TRPM2: variants seen among roughly 807,000 people sequenced by gnomAD.
The protein encoded by TRPM2 is transient receptor potential cation channel subfamily M member 2.
In TRPM2, 161 loss-of-function variants were observed where a neutral mutation model predicts 174.0. That is an observed-to-expected ratio of 0.93 (90% confidence interval 0.81 to 1.05). The LOEUF (loss-of-function observed/expected upper bound fraction) is 1.05, where lower values mean the gene tolerates loss of function less well. Among genes scored for constraint, TRPM2 ranks in the 50% least tolerant of loss-of-function variants. TRPM2 has a pLI of 0.00. For synonymous variants in TRPM2, 954 were observed against 861.3 expected, an observed-to-expected ratio of 1.11 and a Z score of -1.88; for missense variants, 2,057 against 2,038.0, an observed-to-expected ratio of 1.01 and a Z score of -0.18.
At chr21:44,398,040 G>C (rs138714508) in intron 13 of TRPM2, among the ~76,000 whole-genome samples, 164 bp downstream of exon 13, 1 of 152,140 alleles carries the variant, frequency 6.6e-6, no homozygotes, top group Non-Finnish European at 1.5e-5. Flanking sequence ...CCGGAGTCTC[G>C]GCCCTGTAAC....
At chr21:44,433,123 G>A (rs1266842289) in intron 27 of TRPM2, among the ~76,000 whole-genome samples, 3 of 152,232 alleles carry the variant, frequency 2.0e-5, no homozygotes, top group Non-Finnish European at 4.4e-5. Flanking sequence ...AAGCAAGGGT[G>A]CAGAGTGTTT....
intron 5 of TRPM2, among the ~76,000 whole-genome samples, chr21:44,372,665 G>A (rs1602153091): frequency 3.3e-5 from 5 of 152,162 alleles, no homozygotes; most frequent in Admixed American, 3.3e-4. Context: ...CAAAATACAA[G>A]GGAAGAGCAG....
At chr21:44,412,232 CTT>C (rs1322073065) in intron 19 of TRPM2, among the ~76,000 whole-genome samples, 2 of 152,040 alleles carry the variant, frequency 1.3e-5, no homozygotes, top group African/African-American at 4.8e-5. Flanking sequence ...GTGGACTTTT[CTT>C]TGTGTGATGT....
At chr21:44,353,072 C>T (rs2047952980), upstream of TRPM2, among the ~76,000 whole-genome samples, 1 of 152,250 alleles carries the variant, frequency 6.6e-6, no homozygotes, top group South Asian at 2.1e-4. Context: ...AGGAGAATCA[C>T]TTGAACCAGG....
At chr21:44,441,249 T>TGTG (rs5844184) in intron 31 of TRPM2, among the ~76,000 whole-genome samples, 3 of 152,134 alleles carry the variant, frequency 2.0e-5, no homozygotes, top group African/African-American at 7.2e-5. Context: ...CAGGCGACCA[T>TGTG]AGGGCCCTGT....
intron 27 of TRPM2, among the ~76,000 whole-genome samples, chr21:44,430,391 C>G (rs1209753054): frequency 6.6e-6 from 1 of 151,260 alleles, no homozygotes; most frequent in Non-Finnish European, 1.5e-5. Flanking sequence ...ACTGTTAGCT[C>G]TAACATATTT....
In TRPM2 at chr21:44,414,081, G is replaced by C; in HGVS notation, c.3146+7G>C. On this transcript the variant is annotated splice_region_variant and intron_variant, in intron 20 of 31. Coordinates refer to ENST00000397928, the MANE Select transcript of TRPM2 (RefSeq NM_003307.4). ...TCCTCATCGCCATGTTCAAGTGAGC[G>C]CCTGGGTGGGGCTGGCGTGCAGGTG... 1 of 1,607,528 alleles carries C rather than the reference G, an allele frequency of 6.2e-7. No individual in the cohort carries two copies. The highest frequency in any genetic ancestry group is 2.2e-5 in the East Asian group (1 of 44,762).
At chr21:44,418,950 C>T (rs1206417113) in intron 22 of TRPM2, among the ~76,000 whole-genome samples, 1 of 152,186 alleles carries the variant, frequency 6.6e-6, no homozygotes, top group Non-Finnish European at 1.5e-5. Context: ...TTCTGCAGGA[C>T]CTCGGCAGCC....
At chr21:44,423,591 T>C in intron 22 of TRPM2, 54 bp from the exon 23 acceptor site, 1 of 1,518,732 alleles carries the variant, frequency 6.6e-7, no homozygotes, top group Non-Finnish European at 9.0e-7. Context: ...CGGTGTGGCG[T>C]TCCCAGGGCC....
upstream of TRPM2, among the ~76,000 whole-genome samples, chr21:44,353,095 G>A (rs2047953400): frequency 6.6e-6 from 1 of 152,248 alleles, no homozygotes. Context: ...GACCGAGGTT[G>A]CAGTGAGCCG....
upstream of TRPM2, among the ~76,000 whole-genome samples, chr21:44,350,829 G>A (rs2047917055): frequency 6.6e-6 from 1 of 151,366 alleles, no homozygotes; most frequent in Non-Finnish European, 1.5e-5. Flanking sequence ...GAGCGACCCT[G>A]TCCGGCTGGC....
chr21:44,421,540 G>A (rs1252495119), intron 22 of TRPM2, among the ~76,000 whole-genome samples: 2 of 152,110 alleles, frequency 1.3e-5, no homozygotes, highest in Non-Finnish European at 2.9e-5. Context: ...GGAGGCTGAG[G>A]TGGGAGGATT....
At chr21:44,398,857 G>A (rs990988729) in intron 13 of TRPM2, among the ~76,000 whole-genome samples, 4 of 152,140 alleles carry the variant, frequency 2.6e-5, no homozygotes, top group South Asian at 2.1e-4. Context: ...TCTAATTTGT[G>A]GCTACTTTGT....
At chr21:44,430,068 T>A (rs2050970343) in intron 27 of TRPM2, among the ~76,000 whole-genome samples, 1 of 152,230 alleles carries the variant, frequency 6.6e-6, no homozygotes, top group South Asian at 2.1e-4. Flanking sequence ...GTGAATTATT[T>A]TTATAGCTCC....
intron 16 of TRPM2, among the ~76,000 whole-genome samples, chr21:44,403,766 CAT>C (rs1491006903): frequency 4.0e-5 from 6 of 151,386 alleles, no homozygotes; most frequent in African/African-American, 7.3e-5. Flanking sequence ...CATGCATACA[CAT>C]ATACATGCAT....
In TRPM2 at chr21:44,399,404, C is replaced by G. The variant is rs1221737306; in HGVS notation, c.2171C>G (p.Ala724Gly). ...ACCTGCCTGCAGCTCGCCCTGGAGG[C>G]CAAGGACATGAAGTTTGTGTCTCAC... ...KTTCLQLALEAKDMKFVSHGG... is the reference protein window; with the variant it reads ...KTTCLQLALEGKDMKFVSHGG... Residue 724 changes from alanine (A) to glycine (G), a missense_variant, in exon 14 of 32, where the codon GCC (alanine) becomes GGC (glycine). Ala to Gly is a moderately conservative substitution (Grantham distance 60, BLOSUM62 0). Transcript: ENST00000397928. This position sits in a 1 kb window ranked among gnomAD's most constrained non-coding sequence, Gnocchi z 4.6. 1 of 1,612,644 alleles carries G rather than the reference C, an allele frequency of 6.2e-7. No individual in the cohort carries two copies. The highest frequency in any genetic ancestry group is 8.5e-7 in the Non-Finnish European group (1 of 1,179,852).
At chr21:44,433,697 G>C (rs980100810) in intron 27 of TRPM2, among the ~76,000 whole-genome samples, 1 of 152,200 alleles carries the variant, frequency 6.6e-6, no homozygotes, top group Non-Finnish European at 1.5e-5. Flanking sequence ...AGCTTCTGGG[G>C]AGGCTGCCTG....
Position 44,391,121 on chromosome 21 carries a change from C to T in TRPM2, c.1440+96C>T, listed in dbSNP as rs2049159740. On this transcript the variant is annotated intron_variant, in intron 10 of 31. Transcript: ENST00000397928. This position sits in a 1 kb window ranked among gnomAD's most constrained non-coding sequence, Gnocchi z 5.0. ...AGGCAAAGTTCGCATTGTCTGGATC[C>T]CAGCCCTTCCCTTGAGGGTGGGTGA... The T allele has an allele frequency of 6.3e-7, 1 of 1,580,906 alleles. No individual in the cohort carries two copies. Among genetic ancestry groups the T allele is most frequent in the South Asian group, 1.2e-5 (1 of 86,806 alleles).
chr21:44,430,845 C>T (rs1395182160), intron 27 of TRPM2, among the ~76,000 whole-genome samples: 1 of 151,856 alleles, frequency 6.6e-6, no homozygotes, highest in Admixed American at 6.6e-5. Flanking sequence ...ATAATTTCAT[C>T]TAACTTTTGA....
Sources: allele counts gnomAD v4.1 joint callset (sites outside exome capture counted in the v4.1 genomes callset), GRCh38; gene constraint gnomAD v4.1.1; non-coding constraint Gnocchi (gnomAD v3.1); transcripts MANE v1.5; gene names NCBI Gene and HGNC (gene_info 2026-07-23, HGNC 2026-07-21).